KCNIP3: variants seen among roughly 807,000 people sequenced by gnomAD.
The protein encoded by KCNIP3 is calsenilin.
A neutral mutation model predicts 35.0 loss-of-function variants in KCNIP3; 28 were observed. The observed-to-expected ratio is 0.80, with a 90% confidence interval of 0.59 to 1.10. The LOEUF (loss-of-function observed/expected upper bound fraction) is 1.10, where lower values mean the gene tolerates loss of function less well. Among genes scored for constraint, KCNIP3 ranks in the 50% least tolerant of loss-of-function variants. KCNIP3 has a pLI of 0.00. For missense variants in KCNIP3, 295 were observed against 338.4 expected, an observed-to-expected ratio of 0.87 and a Z score of 1.01; for synonymous variants, 134 against 133.8, an observed-to-expected ratio of 1.00 and a Z score of -0.01.
chr2:95,380,001 A>G (rs769857917), intron 5 of KCNIP3, among the ~76,000 whole-genome samples: 277 of 152,050 alleles, frequency 1.8e-3, no homozygotes, highest in Middle Eastern at 3.4e-3. Context: ...GCTCCTACCC[A>G]CTTTCCTCTG....
In KCNIP3 at chr2:95,376,007, G is replaced by A. The variant is rs754044644; in HGVS notation, c.447+799G>A. On this transcript the variant is annotated intron_variant, in intron 5 of 8. Transcript: ENST00000295225. The surrounding 1 kb of genome is among the most constrained non-coding windows in gnomAD (Gnocchi z 4.2). ...CCACACGGGGTAATAATAACTTGTC[G>A]ATAAGCTGCGCGGGTTATTTTTATG... is the stretch of plus-strand genomic sequence containing the variant. Among the ~76,000 whole-genome samples, 3 of 152,196 alleles carry A rather than the reference G, an allele frequency of 2.0e-5. No homozygotes were observed. Among genetic ancestry groups the A allele is most frequent in the Non-Finnish European group, 4.4e-5 (3 of 68,044 alleles).
At chr2:95,379,201 C>G (rs910939193) in intron 5 of KCNIP3, among the ~76,000 whole-genome samples, 3 of 152,200 alleles carry the variant, frequency 2.0e-5, no homozygotes, top group Non-Finnish European at 4.4e-5. Flanking sequence ...CCAACAGACT[C>G]TAGGCTTCAG....
At chr2:95,310,280 A>G (rs1230454341) in intron 1 of KCNIP3, 75 bp from the exon 2 acceptor site, 2 of 1,568,348 alleles carry the variant, frequency 1.3e-6, no homozygotes, top group Non-Finnish European at 1.8e-6. Context: ...CTAGGATATC[A>G]GGGCAGCTCG....
At chr2:95,297,482 C>G (rs1677892306) in intron 1 of KCNIP3, 29 bp downstream of exon 1, 2 of 292,160 alleles carry the variant, frequency 6.8e-6, no homozygotes, top group Non-Finnish European at 1.1e-5. Flanking sequence ...GGGTCTTGCT[C>G]TGGAGGGGGG....
chr2:95,350,607 G>T (rs1317445295), intron 2 of KCNIP3, among the ~76,000 whole-genome samples: 1 of 152,200 alleles, frequency 6.6e-6, no homozygotes, highest in East Asian at 1.9e-4. Flanking sequence ...AGCAGCAGGG[G>T]TGGGGGCTGC....
chr2:95,325,270 G>A (rs947984048), intron 2 of KCNIP3, among the ~76,000 whole-genome samples: 2 of 152,220 alleles, frequency 1.3e-5, no homozygotes, highest in African/African-American at 4.8e-5. Context: ...GTGGGGCCTG[G>A]CGGAGACGGT....
At chr2:95,348,729 G>A (rs1679440256) in intron 2 of KCNIP3, among the ~76,000 whole-genome samples, 1 of 152,142 alleles carries the variant, frequency 6.6e-6, no homozygotes, top group Admixed American at 6.5e-5. Context: ...ATGAGGCTCC[G>A]TTTTCTGTGG....
chr2:95,320,862 C>T (rs1025622621), intron 2 of KCNIP3, among the ~76,000 whole-genome samples: 4 of 150,894 alleles, frequency 2.7e-5, no homozygotes, highest in African/African-American at 9.8e-5. Flanking sequence ...CTCCACCCAG[C>T]CTTCCCTAGG....
At chr2:95,316,966 G>A (rs1487252772) in intron 2 of KCNIP3, among the ~76,000 whole-genome samples, 3 of 152,220 alleles carry the variant, frequency 2.0e-5, no homozygotes, top group Non-Finnish European at 2.9e-5. Flanking sequence ...GAGGGCAGGG[G>A]GTTGGTCAGC....
In KCNIP3 at chr2:95,306,396, C is replaced by T. The variant is rs139934644; in HGVS notation, c.16-3959C>T. Reference sequence around the variant, plus strand: ...ATCTCTTGGGTGCCAGGCTGTGTCACGAGGAAAAGCAGGTCACATGAGGAT... The same window carrying T: ...ATCTCTTGGGTGCCAGGCTGTGTCATGAGGAAAAGCAGGTCACATGAGGAT... On this transcript the variant is annotated intron_variant, in intron 1 of 8. Transcript: ENST00000295225. Among the ~76,000 whole-genome samples the T allele has an allele frequency of 4.5e-3, 680 of 152,224 alleles. 4 individuals are homozygous for T. The highest frequency in any genetic ancestry group is 0.021 in the South Asian group (99 of 4,822).
chr2:95,350,819 T>C (rs1157596142), intron 2 of KCNIP3, among the ~76,000 whole-genome samples: 2 of 152,240 alleles, frequency 1.3e-5, no homozygotes, highest in African/African-American at 4.8e-5. Context: ...TCTAAATCTC[T>C]GGGTGAAACC....
intron 2 of KCNIP3, among the ~76,000 whole-genome samples, chr2:95,365,841 C>T (rs1175456249): frequency 2.0e-5 from 3 of 152,102 alleles, no homozygotes; most frequent in African/African-American, 7.2e-5. Context: ...TAAGTATTCT[C>T]ATTTTTTCTA....
At position 95,377,659 on chromosome 2, in the gene KCNIP3, T is replaced by C. The variant is rs1680239437; in HGVS notation, c.447+2451T>C. ...TTGCACTGTGTATGGCCAAGGAATT[T>C]AGAACCAGCGTGCACTCAGACATGG... On this transcript the variant is annotated intron_variant, in intron 5 of 8. Transcript: ENST00000295225. The surrounding 1 kb of genome is among the most constrained non-coding windows in gnomAD (Gnocchi z 4.7). Among the ~76,000 whole-genome samples the C allele has an allele frequency of 6.6e-6, 1 of 152,230 alleles. No individual in the cohort carries two copies. The highest frequency in any genetic ancestry group is 1.5e-5 in the Non-Finnish European group (1 of 68,036).
At position 95,337,031 on chromosome 2, in the gene KCNIP3, G is replaced by A. The variant is rs6724288; in HGVS notation, c.181+26511G>A. Among the ~76,000 whole-genome samples the A allele has an allele frequency of 7.4e-3, 1,126 of 152,202 alleles. 12 individuals carry two copies. Among genetic ancestry groups the A allele is most frequent in the African/African-American group, 0.026 (1,063 of 41,512 alleles). ...AGCCAAGGCCCCAAAGGATCTGTTC[G>A]TGCAGATTTTGGGGGCTACTTTTTC... is the stretch of plus-strand genomic sequence containing the variant. On this transcript the variant is annotated intron_variant, in intron 2 of 8. Coordinates refer to ENST00000295225, the MANE Select transcript of KCNIP3 (RefSeq NM_013434.5).
intron 2 of KCNIP3, among the ~76,000 whole-genome samples, chr2:95,331,645 T>G (rs1469413340): frequency 6.6e-6 from 1 of 152,198 alleles, no homozygotes; most frequent in Admixed American, 6.5e-5. Flanking sequence ...AAGGCTGCTA[T>G]TGTTTCTTCT....
chr2:95,360,252 A>G (rs1266395153), intron 2 of KCNIP3, among the ~76,000 whole-genome samples: 2 of 152,056 alleles, frequency 1.3e-5, no homozygotes, highest in East Asian at 1.9e-4. Context: ...TGTGGACACA[A>G]TTCAGCCAAG....
At chr2:95,360,190 CAA>C (rs35137501) in intron 2 of KCNIP3, among the ~76,000 whole-genome samples, 1,909 of 85,468 alleles carry the variant, frequency 0.022, 34 homozygotes, top group African/African-American at 0.073. Context: ...GACTCCGTCT[CAA>C]AAAAAAAAAA....
chr2:95,347,295 A>G (rs1001661584), intron 2 of KCNIP3, among the ~76,000 whole-genome samples: 3 of 152,138 alleles, frequency 2.0e-5, no homozygotes, highest in Admixed American at 6.5e-5. Context: ...TAGTCCCAGG[A>G]AGCCCCAGAG....
intron 2 of KCNIP3, among the ~76,000 whole-genome samples, chr2:95,320,927 A>G (rs916390025): frequency 1.8e-4 from 3 of 17,100 alleles, no homozygotes; most frequent in African/African-American, 5.0e-4. Context: ...CTGCCCCCCC[A>G]GCCTTCCCTA....
Sources: gnomAD v4.1 joint callset for allele counts (sites outside exome capture counted in the v4.1 genomes callset) on GRCh38, gnomAD v4.1.1 for gene constraint, Gnocchi (gnomAD v3.1) non-coding constraint, MANE v1.5 for transcripts, NCBI Gene and HGNC (gene_info 2026-07-23, HGNC 2026-07-21) for gene names.